The following RAB2A variants were observed in gnomAD, a reference collection of about 807,000 sequenced individuals.
The protein encoded by RAB2A is RAB2A, member RAS oncogene family.
A neutral mutation model predicts 32.5 loss-of-function variants in RAB2A; 7 were observed. That is an observed-to-expected ratio of 0.22 (90% CI 0.12 to 0.40). The LOEUF is 0.40. Among genes scored for constraint, RAB2A ranks in the 10% least tolerant of loss-of-function variants. RAB2A has a pLI of 1.00. For synonymous variants in RAB2A, 79 were observed against 85.2 expected, an observed-to-expected ratio of 0.93 and a Z score of 0.40; for missense variants, 108 against 260.7, an observed-to-expected ratio of 0.41 and a Z score of 4.03.
At chr8:60,618,081 TCTA>T (rs1424295272) in intron 6 of RAB2A, among the ~76,000 whole-genome samples, 1 of 152,228 alleles carries the variant, frequency 6.6e-6, no homozygotes, top group Non-Finnish European at 1.5e-5. Flanking sequence ...CAAATAATAT[TCTA>T]CTAATTGAAT....
intron 5 of RAB2A, among the ~76,000 whole-genome samples, chr8:60,586,393 AG>A (rs398095820): frequency 4.6e-5 from 5 of 108,070 alleles, no homozygotes; most frequent in Non-Finnish European, 3.9e-5. Flanking sequence ...TAAAAAAAAA[AG>A]AGAGAGAGAA....
intron 1 of RAB2A, among the ~76,000 whole-genome samples, chr8:60,541,919 G>T (rs1263571054): frequency 6.6e-6 from 1 of 151,964 alleles, no homozygotes; most frequent in African/African-American, 2.4e-5. Context: ...GACAACAGAG[G>T]CTATTGTGTT....
chr8:60,547,041 C>CGGCCTT (rs975097902), intron 1 of RAB2A, among the ~76,000 whole-genome samples: 1 of 150,982 alleles, frequency 6.6e-6, no homozygotes, highest in Non-Finnish European at 1.5e-5. Context: ...GAGGACCCTG[C>CGGCCTT]GGCCTTCCGC....
chr8:60,579,190 G>A (rs1358392781), intron 3 of RAB2A, among the ~76,000 whole-genome samples: 3 of 152,028 alleles, frequency 2.0e-5, no homozygotes, highest in Admixed American at 6.6e-5. Flanking sequence ...TTACAGGCAC[G>A]TGCCACCACA....
Position 60,584,846 on chromosome 8 carries a change from A to G in RAB2A, c.362+31A>G, listed in dbSNP as rs984043844. On this transcript the variant is annotated intron_variant, in intron 5 of 7. Transcript: ENST00000262646. ...AAGGCTAATTTAGAGCTTACATTGC[A>G]TTAGTGATGAAGACTGTACTGTTTA... 7 of 1,477,576 alleles carry G rather than the reference A, an allele frequency of 4.7e-6. No homozygotes were observed. In the African/African-American group the frequency reaches 8.3e-5, roughly 18 times the overall value. The allele number at this position is 1,477,576 out of a possible 1,614,324, so 91.5% of individuals were successfully genotyped here.
intron 1 of RAB2A, among the ~76,000 whole-genome samples, chr8:60,554,040 A>G (rs1252952127): frequency 6.6e-6 from 1 of 152,240 alleles, no homozygotes; most frequent in Non-Finnish European, 1.5e-5. Flanking sequence ...TTGTCATAGT[A>G]TTAATCTCTT....
intron 1 of RAB2A, among the ~76,000 whole-genome samples, chr8:60,536,218 T>G (rs570451606): frequency 6.6e-6 from 1 of 152,358 alleles, no homozygotes; most frequent in East Asian, 1.9e-4. Flanking sequence ...ACATTAATTG[T>G]GTATATTAAC....
At chr8:60,584,332 G>A (rs777573012) in intron 4 of RAB2A, 42 bp downstream of exon 4, 3 of 1,475,280 alleles carry the variant, frequency 2.0e-6, no homozygotes, top group Non-Finnish European at 2.8e-6. Context: ...TTGATACAGA[G>A]AATTTTTCTA....
chr8:60,523,256 C>G (rs1364050016), intron 1 of RAB2A, among the ~76,000 whole-genome samples: 1 of 151,640 alleles, frequency 6.6e-6, no homozygotes, highest in Non-Finnish European at 1.5e-5. Flanking sequence ...CTCCTGGATT[C>G]ACGCCATTCT....
At chr8:60,583,864 C>T (rs749471759) in intron 3 of RAB2A, among the ~76,000 whole-genome samples, 2 of 152,114 alleles carry the variant, frequency 1.3e-5, no homozygotes, top group Non-Finnish European at 2.9e-5. Context: ...GTCTTCAGAG[C>T]TTAGTTGCTA....
At chr8:60,559,511 T>G (rs754658529) in intron 2 of RAB2A, among the ~76,000 whole-genome samples, 1 of 152,218 alleles carries the variant, frequency 6.6e-6, no homozygotes, top group African/African-American at 2.4e-5. Context: ...TAAGAAATAG[T>G]CAACAAATAT....
At chr8:60,605,946 C>T (rs910765442) in intron 6 of RAB2A, among the ~76,000 whole-genome samples, 1 of 151,480 alleles carries the variant, frequency 6.6e-6, no homozygotes, top group Non-Finnish European at 1.5e-5. Context: ...GTCAGGAGTT[C>T]GAGACCAGCT....
intron 6 of RAB2A, among the ~76,000 whole-genome samples, chr8:60,610,570 G>C (rs1480892401): frequency 6.6e-6 from 1 of 152,194 alleles, no homozygotes; most frequent in Non-Finnish European, 1.5e-5. Flanking sequence ...GCCTTCCTCA[G>C]CAGTTTTCCA....
intron 3 of RAB2A, among the ~76,000 whole-genome samples, chr8:60,575,530 C>T (rs904873334): frequency 6.6e-6 from 1 of 152,024 alleles, no homozygotes; most frequent in South Asian, 2.1e-4. Context: ...TATGTCTATT[C>T]ATGACCCAAG....
chr8:60,579,030 T>G (rs1428901451), intron 3 of RAB2A, among the ~76,000 whole-genome samples: 1 of 152,102 alleles, frequency 6.6e-6, no homozygotes, highest in African/African-American at 2.4e-5. Flanking sequence ...AATGTTTTTT[T>G]GTTGTTTTGT....
chr8:60,608,401 A>T (rs1804272386), intron 6 of RAB2A, among the ~76,000 whole-genome samples: 1 of 151,780 alleles, frequency 6.6e-6, no homozygotes, highest in South Asian at 2.1e-4. Context: ...CTTCTTTCTT[A>T]GCTCCATGAC....
At chr8:60,600,774 A>G (rs1238035506) in intron 6 of RAB2A, among the ~76,000 whole-genome samples, 1 of 152,250 alleles carries the variant, frequency 6.6e-6, no homozygotes. Context: ...AGCAATCTGG[A>G]TAAATCTGGA....
At chr8:60,541,696 T>A (rs1297015662) in intron 1 of RAB2A, among the ~76,000 whole-genome samples, 1 of 152,138 alleles carries the variant, frequency 6.6e-6, no homozygotes. Flanking sequence ...AACCATTGTG[T>A]AACCAGTTAA....
At chr8:60,609,402 T>A (rs997727215) in intron 6 of RAB2A, among the ~76,000 whole-genome samples, 3 of 152,190 alleles carry the variant, frequency 2.0e-5, no homozygotes, top group African/African-American at 7.2e-5. Flanking sequence ...GGGCATGAAT[T>A]CACCTTAGTA....
Sources: allele counts gnomAD v4.1 joint callset (sites outside exome capture counted in the v4.1 genomes callset), GRCh38; gene constraint gnomAD v4.1.1; transcripts MANE v1.5; gene names NCBI Gene and HGNC (gene_info 2026-07-23, HGNC 2026-07-21).